NRXN3: variants seen among roughly 807,000 people sequenced by gnomAD.
The protein encoded by NRXN3 is neurexin 3.
Under a neutral mutation model 137.6 loss-of-function variants are expected in NRXN3, and 32 were observed. The observed-to-expected ratio is 0.23, with a 90% confidence interval of 0.18 to 0.31. NRXN3 has a LOEUF of 0.31. Ranked by LOEUF, NRXN3 falls within the 10% of genes least tolerant of loss-of-function variation. The pLI is 1.00. For missense variants in NRXN3, 1,574 were observed against 2,062.5 expected, an observed-to-expected ratio of 0.76 and a Z score of 4.59; for synonymous variants, 798 against 784.5, an observed-to-expected ratio of 1.02 and a Z score of -0.29.
intron 10 of NRXN3, among the ~76,000 whole-genome samples, chr14:78,829,749 A>G (rs183640505): frequency 6.6e-6 from 1 of 152,128 alleles, no homozygotes; most frequent in Non-Finnish European, 1.5e-5. Context: ...CACTAATCCA[A>G]AGAGAATTGC....
intron 15 of NRXN3, among the ~76,000 whole-genome samples, chr14:79,163,507 C>T (rs1227048564): frequency 6.6e-6 from 1 of 151,898 alleles, no homozygotes; most frequent in African/African-American, 2.4e-5. Context: ...AAGAGAGATG[C>T]AAATTACTAA....
At chr14:79,188,262 A>T (rs1176250770) in intron 15 of NRXN3, among the ~76,000 whole-genome samples, 1 of 152,156 alleles carries the variant, frequency 6.6e-6, no homozygotes, top group Non-Finnish European at 1.5e-5. Flanking sequence ...CAAATATAAG[A>T]CCTAGCATTA....
intron 16 of NRXN3, among the ~76,000 whole-genome samples, chr14:79,581,014 A>C (rs1401237227): frequency 6.6e-6 from 1 of 151,998 alleles, no homozygotes; most frequent in Non-Finnish European, 1.5e-5. Flanking sequence ...CTGTTCAGGG[A>C]GCAGAGGAGT....
At position 78,383,659 on chromosome 14, in the gene NRXN3, GT is replaced by G. The variant is rs1245980511; in HGVS notation, c.757+85806del. ...AGATACATGAACTTAAGCGTCTTTA[GT>G]TTTTTTGAGTTCTATTCCTGACTTG... On this transcript the variant is annotated intron_variant, in intron 4 of 20. Transcript: ENST00000335750. Among the ~76,000 whole-genome samples, 4 of 152,088 alleles carry G rather than the reference GT, an allele frequency of 2.6e-5. No homozygotes were observed. In the East Asian group the frequency reaches 7.7e-4, roughly 29 times the overall value.
intron 16 of NRXN3, among the ~76,000 whole-genome samples, chr14:79,589,819 G>A (rs1452796747): frequency 6.6e-6 from 1 of 152,068 alleles, no homozygotes; most frequent in Non-Finnish European, 1.5e-5. Flanking sequence ...CTAAAATTGA[G>A]CTGACTTAAA....
intron 2 of NRXN3, among the ~76,000 whole-genome samples, chr14:78,261,023 T>C (rs2070619150): frequency 1.3e-5 from 2 of 152,174 alleles, no homozygotes; most frequent in Admixed American, 6.5e-5. Context: ...GAGGTGGTGG[T>C]TGTCCTGGCT....
intron 20 of NRXN3, among the ~76,000 whole-genome samples, chr14:79,816,999 A>G (rs1046734344): frequency 8.5e-5 from 13 of 152,098 alleles, no homozygotes; most frequent in African/African-American, 3.1e-4. Flanking sequence ...AGATAATTTG[A>G]TTGGGTTTCT....
chr14:78,331,928 G>C (rs2080864688), intron 4 of NRXN3, among the ~76,000 whole-genome samples: 2 of 152,140 alleles, frequency 1.3e-5, no homozygotes, highest in South Asian at 4.1e-4. Context: ...GGCCAGCCAG[G>C]CCAATTAGAG....
chr14:78,244,043 A>C lies in NRXN3; in HGVS notation c.709+241A>C, dbSNP rs558953374. On this transcript the variant is annotated intron_variant, in intron 2 of 20. Coordinates refer to ENST00000335750, the MANE Select transcript of NRXN3 (RefSeq NM_001330195.2). ...GGCTCTGTACCCTACTCAGAGGGTT[A>C]GATGAAGTAGGCTGCAGGGTCTGCC... Among the ~76,000 whole-genome samples, 5 of 152,322 alleles carry C rather than the reference A, an allele frequency of 3.3e-5. No individual in the cohort carries two copies. The East Asian group carries it at 9.6e-4, about 29-fold the overall frequency.
At chr14:79,404,826 C>T (rs1228800594) in intron 15 of NRXN3, among the ~76,000 whole-genome samples, 1 of 152,152 alleles carries the variant, frequency 6.6e-6, no homozygotes, top group Non-Finnish European at 1.5e-5. Flanking sequence ...TGGTGCTTCC[C>T]TTAGTTTGTT....
intron 4 of NRXN3, among the ~76,000 whole-genome samples, chr14:78,340,710 G>C (rs1184734983): frequency 2.0e-5 from 3 of 152,108 alleles, no homozygotes; most frequent in Non-Finnish European, 4.4e-5. Context: ...AAATTGTTAG[G>C]CTTCTTCAGG....
At chr14:79,433,663 G>A (rs2095799419) in intron 15 of NRXN3, among the ~76,000 whole-genome samples, 1 of 152,178 alleles carries the variant, frequency 6.6e-6, no homozygotes, top group African/African-American at 2.4e-5. Context: ...GTACCAGGAA[G>A]TGAGAGAGTG....
chr14:78,339,027 T>C (rs1024767475), intron 4 of NRXN3, among the ~76,000 whole-genome samples: 2 of 152,148 alleles, frequency 1.3e-5, no homozygotes, highest in African/African-American at 4.8e-5. Context: ...TATTATGGCC[T>C]CATTGGGTCT....
At chr14:78,295,000 A>G (rs1467224802) in intron 3 of NRXN3, among the ~76,000 whole-genome samples, 1 of 152,128 alleles carries the variant, frequency 6.6e-6, no homozygotes, top group Non-Finnish European at 1.5e-5. Context: ...GGGGCTTGAG[A>G]TTTTTAGCAA....
chr14:79,100,041 C>T (rs576677665), intron 15 of NRXN3, among the ~76,000 whole-genome samples: 152 of 152,310 alleles, frequency 1.0e-3, no homozygotes, highest in Non-Finnish European at 1.7e-3. Flanking sequence ...AATGCTCATG[C>T]TAGGAGAAGG....
chr14:78,219,986 G>A (rs1275128610), intron 1 of NRXN3, among the ~76,000 whole-genome samples: 1 of 151,866 alleles, frequency 6.6e-6, no homozygotes, highest in African/African-American at 2.4e-5. Flanking sequence ...AAAGGAGGAG[G>A]GATATTGAGA....
chr14:79,717,735 TTA>T (rs979496222), intron 19 of NRXN3, among the ~76,000 whole-genome samples: 3 of 152,232 alleles, frequency 2.0e-5, no homozygotes, highest in African/African-American at 7.2e-5. Flanking sequence ...TATCTTGGTT[TTA>T]TGTTTTTCCA....
chr14:79,296,087 A>G (rs889487679), intron 15 of NRXN3, among the ~76,000 whole-genome samples: 2 of 152,092 alleles, frequency 1.3e-5, no homozygotes, highest in Non-Finnish European at 2.9e-5. Flanking sequence ...GCTGTTATTT[A>G]TTGATGGTGA....
chr14:78,842,667 C>A (rs2099015805), intron 10 of NRXN3, among the ~76,000 whole-genome samples: 1 of 152,082 alleles, frequency 6.6e-6, no homozygotes, highest in South Asian at 2.1e-4. Context: ...AGCCTGGGAG[C>A]ACCACAGGAG....
Sources: allele counts gnomAD v4.1 joint callset (sites outside exome capture counted in the v4.1 genomes callset), GRCh38; gene constraint gnomAD v4.1.1; transcripts MANE v1.5; gene names NCBI Gene and HGNC (gene_info 2026-07-23, HGNC 2026-07-21).